PRDM16: variants seen among roughly 807,000 people sequenced by gnomAD.
PRDM16 encodes the protein histone-lysine N-methyltransferase PRDM16.
PRDM16 carries 23 observed loss-of-function variants against 110.6 expected under a neutral mutation model. That is an observed-to-expected ratio of 0.21 (90% CI 0.15 to 0.29). The LOEUF (loss-of-function observed/expected upper bound fraction) is 0.29, where lower values mean the gene tolerates loss of function less well. Among genes scored for constraint, PRDM16 ranks in the 10% least tolerant of loss-of-function variants. The pLI, the probability that PRDM16 is intolerant of heterozygous loss-of-function variation, is 1.00. For missense variants in PRDM16, 1,615 were observed against 1,794.3 expected (o/e 0.90, Z 1.81); for synonymous variants, 799 against 781.8 (o/e 1.02, Z -0.37).
intron 1 of PRDM16, among the ~76,000 whole-genome samples, chr1:3,141,249 G>C (rs1475843892): frequency 2.6e-5 from 4 of 152,208 alleles, no homozygotes; most frequent in Admixed American, 2.6e-4. Context: ...CTTCTGCCGT[G>C]ATGAATGCTT....
In PRDM16 at chr1:3,350,416, T is replaced by A. The variant is rs1175555576; in HGVS notation, c.439-34736T>A. 6.6e-6 allele frequency among the ~76,000 whole-genome samples: 1 copy of A among 152,204 alleles called. No individual in the cohort carries two copies. Among genetic ancestry groups the A allele is most frequent in the African/African-American group, 2.4e-5 (1 of 41,466 alleles). Reference sequence around the variant, plus strand: ...CCCTTGAAGCCACCCCCTCTTTCCCTCCTGGGCTCTACTGCTCCGTCTGTG... The same window carrying A: ...CCCTTGAAGCCACCCCCTCTTTCCCACCTGGGCTCTACTGCTCCGTCTGTG... On this transcript the variant is annotated intron_variant, in intron 3 of 16. Coordinates refer to ENST00000270722, the MANE Select transcript of PRDM16 (RefSeq NM_022114.4). The surrounding 1 kb of genome is among the most constrained non-coding windows in gnomAD (Gnocchi z 7.1).
intron 2 of PRDM16, among the ~76,000 whole-genome samples, chr1:3,235,456 G>C (rs987931169): frequency 6.6e-6 from 1 of 152,182 alleles, no homozygotes; most frequent in African/African-American, 2.4e-5. Flanking sequence ...AAGGAGGAAG[G>C]TGTCCACAGA....
At chr1:3,156,554 G>A (rs1196954902) in intron 1 of PRDM16, among the ~76,000 whole-genome samples, 1 of 152,142 alleles carries the variant, frequency 6.6e-6, no homozygotes, top group African/African-American at 2.4e-5. Context: ...CCCTCCTCCT[G>A]GTAGAGGCAG....
chr1:3,383,697 T>G (rs1454074921), intron 3 of PRDM16, among the ~76,000 whole-genome samples: 1 of 152,024 alleles, frequency 6.6e-6, no homozygotes. Context: ...GGAGAGTGCA[T>G]GCCGAGCATC....
At chr1:3,187,679 T>A (rs1258166173) in intron 2 of PRDM16, among the ~76,000 whole-genome samples, 4 of 152,116 alleles carry the variant, frequency 2.6e-5, no homozygotes, top group Non-Finnish European at 4.4e-5. Flanking sequence ...GAGTGCATCC[T>A]CCCTGGGCAA....
intron 3 of PRDM16, among the ~76,000 whole-genome samples, chr1:3,268,071 G>A (rs991933472): frequency 6.6e-6 from 1 of 152,190 alleles, no homozygotes; most frequent in Admixed American, 6.5e-5. Context: ...CTCAAACCAT[G>A]ACCCCCGAAT....
chr1:3,082,495 G>C (rs532161956), intron 1 of PRDM16, among the ~76,000 whole-genome samples: 1 of 152,346 alleles, frequency 6.6e-6, no homozygotes, highest in South Asian at 2.1e-4. Context: ...CCTGAGCTGG[G>C]CTGAATGGTG....
chr1:3,306,830 T>G (rs956432745), intron 3 of PRDM16: 1 of 152,026 alleles, frequency 6.6e-6, no homozygotes, highest in Non-Finnish European at 1.5e-5. Context: ...CTCCGCACTC[T>G]CCCCATGTCC....
At chr1:3,332,416 A>C (rs945101901) in intron 3 of PRDM16, among the ~76,000 whole-genome samples, 1 of 77,920 alleles carries the variant, frequency 1.3e-5, no homozygotes, top group Non-Finnish European at 2.7e-5. Context: ...GGGCTGGGGG[A>C]GGCCGTGGGG....
chr1:3,080,872 A>G lies in PRDM16; in HGVS notation c.37+11576A>G, dbSNP rs146961481. 8.2e-4 allele frequency among the ~76,000 whole-genome samples: 124 copies of G among 152,094 alleles called. No individual in the cohort carries two copies. Among genetic ancestry groups the G allele is most frequent in the Non-Finnish European group, 1.4e-3 (96 of 67,986 alleles). On this transcript the variant is annotated intron_variant, in intron 1 of 16. Coordinates refer to ENST00000270722, the MANE Select transcript of PRDM16 (RefSeq NM_022114.4). This position sits in a 1 kb window ranked among gnomAD's most constrained non-coding sequence, Gnocchi z 5.2. Reference sequence around the variant, plus strand: ...GCGTCTCCGACCCTGAGCCCACATGAGTAGCAGAACCCCGGCCCGAGCACC... The same window carrying G: ...GCGTCTCCGACCCTGAGCCCACATGGGTAGCAGAACCCCGGCCCGAGCACC...
At chr1:3,181,060 G>A (rs901291898) in intron 1 of PRDM16, among the ~76,000 whole-genome samples, 4,269 of 78,460 alleles carry the variant, frequency 0.054, 124 homozygotes, top group Admixed American at 0.083. Flanking sequence ...TCTTACACGC[G>A]GTCTTACACA....
At chr1:3,196,112 C>A (rs1362286489) in intron 2 of PRDM16, among the ~76,000 whole-genome samples, 1 of 152,124 alleles carries the variant, frequency 6.6e-6, no homozygotes, top group Non-Finnish European at 1.5e-5. Flanking sequence ...CAGGAGCTCA[C>A]TGGGGGCAGC....
At position 3,213,358 on chromosome 1, in the gene PRDM16, G is replaced by C. The variant is rs1381201687; in HGVS notation, c.387+26884G>C. On this transcript the variant is annotated intron_variant, in intron 2 of 16. Coordinates refer to ENST00000270722, the MANE Select transcript of PRDM16 (RefSeq NM_022114.4). This position sits in a 1 kb window ranked among gnomAD's most constrained non-coding sequence, Gnocchi z 5.3. ...CAAATCACCCTAACTATTTTGCTGG[G>C]GAGAGGGGTGTGGGGGCGGGATGGC... is the stretch of plus-strand genomic sequence containing the variant. Among the ~76,000 whole-genome samples, 1 of 152,120 alleles carries C rather than the reference G, an allele frequency of 6.6e-6. No homozygotes were observed. The highest frequency in any genetic ancestry group is 2.4e-5 in the African/African-American group (1 of 41,422).
intron 3 of PRDM16, among the ~76,000 whole-genome samples, chr1:3,333,539 A>G (rs890342536): frequency 2.0e-5 from 3 of 152,184 alleles, no homozygotes; most frequent in Non-Finnish European, 4.4e-5. Flanking sequence ...GGGAGGAAAG[A>G]TCTGCCCCTT....
At chr1:3,319,503 A>T (rs2100447460) in intron 3 of PRDM16, among the ~76,000 whole-genome samples, 1 of 152,268 alleles carries the variant, frequency 6.6e-6, no homozygotes, top group East Asian at 1.9e-4. Flanking sequence ...GCCTGAGGCC[A>T]TCAGACCAGG....
intron 3 of PRDM16, among the ~76,000 whole-genome samples, chr1:3,268,556 G>A (rs893140428): frequency 6.6e-5 from 10 of 152,130 alleles, no homozygotes; most frequent in Admixed American, 6.5e-4. Flanking sequence ...GGCAACTTGG[G>A]GCAGGTCACA....
At chr1:3,084,767 C>T (rs933735088) in intron 1 of PRDM16, among the ~76,000 whole-genome samples, 1 of 152,232 alleles carries the variant, frequency 6.6e-6, no homozygotes, top group African/African-American at 2.4e-5. Flanking sequence ...TCTTCCCTTC[C>T]AGCCTCACTG....
intron 10 of PRDM16, among the ~76,000 whole-genome samples, chr1:3,414,876 C>G (rs1643754214): frequency 6.6e-6 from 1 of 152,178 alleles, no homozygotes; most frequent in African/African-American, 2.4e-5. Context: ...ACCCCAGGGA[C>G]CTCTCTGACC....
intron 1 of PRDM16, among the ~76,000 whole-genome samples, chr1:3,131,444 T>C (rs1457015260): frequency 6.6e-6 from 1 of 152,162 alleles, no homozygotes; most frequent in Non-Finnish European, 1.5e-5. Flanking sequence ...TGGCTTTCGC[T>C]CACATTTTGT....
Sources: allele counts gnomAD v4.1 joint callset (sites outside exome capture counted in the v4.1 genomes callset), GRCh38; gene constraint gnomAD v4.1.1; non-coding constraint Gnocchi (gnomAD v3.1); transcripts MANE v1.5; gene names NCBI Gene and HGNC (gene_info 2026-07-23, HGNC 2026-07-21).